CTNNA3: variants seen among roughly 807,000 people sequenced by gnomAD.
CTNNA3 encodes catenin alpha 3, also known as catenin alpha-3.
CTNNA3 carries 76 observed loss-of-function variants against 95.7 expected under a neutral mutation model. The observed-to-expected ratio is 0.79, with a 90% CI of 0.66 to 0.96. CTNNA3 has a LOEUF of 0.96. Ranked by LOEUF, CTNNA3 falls within the 40% of genes least tolerant of loss-of-function variation. CTNNA3 has a pLI of 0.00. For missense variants in CTNNA3, 1,191 were observed against 1,089.8 expected (o/e 1.09, Z -1.31); for synonymous variants, 431 against 374.4 (o/e 1.15, Z -1.74).
intron 5 of CTNNA3, among the ~76,000 whole-genome samples, chr10:67,324,258 A>C (rs953706974): frequency 2.0e-5 from 3 of 152,116 alleles, no homozygotes; most frequent in Admixed American, 1.3e-4. Context: ...GACTTCCAAT[A>C]CTATGTTGAA....
At chr10:66,101,105 C>A (rs1416218336) in intron 14 of CTNNA3, among the ~76,000 whole-genome samples, 3 of 152,142 alleles carry the variant, frequency 2.0e-5, no homozygotes, top group African/African-American at 7.2e-5. Flanking sequence ...CACCCACTTC[C>A]CTGAAAGCAA....
chr10:67,424,135 C>G (rs974144776), intron 5 of CTNNA3, among the ~76,000 whole-genome samples: 1 of 152,142 alleles, frequency 6.6e-6, no homozygotes, highest in Non-Finnish European at 1.5e-5. Flanking sequence ...CACCCATTAT[C>G]TGTAGGTGTG....
intron 7 of CTNNA3, among the ~76,000 whole-genome samples, chr10:66,953,500 A>G (rs1332484023): frequency 1.3e-5 from 2 of 152,156 alleles, no homozygotes; most frequent in Non-Finnish European, 2.9e-5. Context: ...AATAAGTCAT[A>G]CCATCATGTT....
intron 7 of CTNNA3, among the ~76,000 whole-genome samples, chr10:67,048,770 T>A (rs985903797): frequency 1.3e-5 from 2 of 151,976 alleles, no homozygotes; most frequent in Non-Finnish European, 2.9e-5. Context: ...AAAATGACAA[T>A]AACTGAAAAT....
chr10:67,510,576 A>G (rs1839587747), intron 5 of CTNNA3, among the ~76,000 whole-genome samples: 1 of 151,804 alleles, frequency 6.6e-6, no homozygotes, highest in African/African-American at 2.4e-5. Context: ...TACCAGTACC[A>G]TGCTCTTTTG....
At chr10:66,910,576 T>C (rs950581304) in intron 7 of CTNNA3, among the ~76,000 whole-genome samples, 3 of 152,210 alleles carry the variant, frequency 2.0e-5, no homozygotes, top group African/African-American at 7.2e-5. Context: ...GAACTGATTT[T>C]CAGTACAACT....
At chr10:67,636,692 C>T (rs1407279426) in intron 2 of CTNNA3, among the ~76,000 whole-genome samples, 1 of 152,150 alleles carries the variant, frequency 6.6e-6, no homozygotes. Flanking sequence ...CAGGCAGCAA[C>T]ATTTGCTGTT....
chr10:66,676,219 C>T (rs1846850948), intron 9 of CTNNA3, among the ~76,000 whole-genome samples: 1 of 151,290 alleles, frequency 6.6e-6, no homozygotes, highest in Non-Finnish European at 1.5e-5. Context: ...CTGGCTTGTT[C>T]TGTGTAGGCA....
At chr10:65,949,352 C>T (rs921869321) in intron 17 of CTNNA3, among the ~76,000 whole-genome samples, 14 of 152,144 alleles carry the variant, frequency 9.2e-5, no homozygotes, top group African/African-American at 3.4e-4. Context: ...CATAAGTTTA[C>T]TTGTAGCACT....
chr10:65,977,914 T>C (rs946306175), intron 16 of CTNNA3, among the ~76,000 whole-genome samples: 4 of 152,194 alleles, frequency 2.6e-5, no homozygotes, highest in Non-Finnish European at 5.9e-5. Flanking sequence ...ATTTCAAAAA[T>C]AGGAATTTAA....
intron 15 of CTNNA3, among the ~76,000 whole-genome samples, chr10:66,016,725 C>T (rs1354938761): frequency 6.6e-6 from 1 of 151,942 alleles, no homozygotes; most frequent in Non-Finnish European, 1.5e-5. Context: ...TTTATACAGG[C>T]AACATATCAT....
chr10:66,749,326 A>C (rs1397004932), intron 9 of CTNNA3, among the ~76,000 whole-genome samples: 1 of 152,032 alleles, frequency 6.6e-6, no homozygotes, highest in Non-Finnish European at 1.5e-5. Context: ...TATCCTACAA[A>C]ACAGTTTCAC....
At chr10:66,690,772 G>A (rs570539161) in intron 9 of CTNNA3, among the ~76,000 whole-genome samples, 70 of 151,992 alleles carry the variant, frequency 4.6e-4, no homozygotes, top group East Asian at 3.9e-3. Context: ...GAGTAGTGCC[G>A]CAATAAACAT....
At chr10:66,133,627 C>G (rs2083226349) in intron 13 of CTNNA3, among the ~76,000 whole-genome samples, 1 of 151,096 alleles carries the variant, frequency 6.6e-6, no homozygotes, top group South Asian at 2.1e-4. Flanking sequence ...GGGATTAGCC[C>G]AATTAGAAAT....
Position 66,224,373 on chromosome 10 carries a change from G to A in CTNNA3, c.1884+56097C>T, listed in dbSNP as rs541464457. ...ATGCCTGACACATTTTATACTCCAC[G>A]CTTTTCCACCACACCAGGTAGTGCC... On this transcript the variant is annotated intron_variant, in intron 13 of 17. Coordinates refer to ENST00000433211, the MANE Select transcript of CTNNA3 (RefSeq NM_013266.4). Among the ~76,000 whole-genome samples the A allele has an allele frequency of 2.6e-5, 4 of 152,200 alleles. No homozygotes were observed. The East Asian group carries it at 5.8e-4, about 22-fold the overall frequency.
intron 6 of CTNNA3, among the ~76,000 whole-genome samples, chr10:67,209,579 T>C (rs1864055144): frequency 6.6e-6 from 1 of 152,136 alleles, no homozygotes; most frequent in South Asian, 2.1e-4. Context: ...TTTCAAAACA[T>C]GAATTAAGCC....
At chr10:66,103,379 T>A (rs1457243037) in intron 13 of CTNNA3, 130 bp from the exon 14 acceptor site, 1 of 687,458 alleles carries the variant, frequency 1.5e-6, no homozygotes, top group East Asian at 2.7e-5. Flanking sequence ...CTCCCAGTTA[T>A]ATACTCAAGA....
intron 2 of CTNNA3, among the ~76,000 whole-genome samples, chr10:67,635,245 C>T (rs1377895463): frequency 6.6e-6 from 1 of 152,040 alleles, no homozygotes; most frequent in Non-Finnish European, 1.5e-5. Flanking sequence ...ACCAGAGGTA[C>T]AAAAAGGACT....
At chr10:66,882,142 C>T (rs1844873366) in intron 7 of CTNNA3, among the ~76,000 whole-genome samples, 1 of 152,002 alleles carries the variant, frequency 6.6e-6, no homozygotes, top group Non-Finnish European at 1.5e-5. Context: ...CAGCAACATG[C>T]CACTTTGGAT....
Sources: gnomAD v4.1 joint callset for allele counts (sites outside exome capture counted in the v4.1 genomes callset) on GRCh38, gnomAD v4.1.1 for gene constraint, MANE v1.5 for transcripts, NCBI Gene and HGNC (gene_info 2026-07-23, HGNC 2026-07-21) for gene names.